Variants in STAMBPL1 observed in about 807,000 individuals in gnomAD.
STAMBPL1 encodes STAM binding protein like 1.
In STAMBPL1, 44 loss-of-function variants were observed where a neutral mutation model predicts 52.9. That is an observed-to-expected ratio of 0.83 (90% confidence interval 0.65 to 1.07). The LOEUF (loss-of-function observed/expected upper bound fraction) is 1.07. STAMBPL1 is among the 50% of genes least tolerant of loss of function. STAMBPL1 has a pLI of 0.00. For synonymous variants in STAMBPL1, 164 were observed against 177.3 expected (o/e 0.92, Z 0.60); for missense variants, 511 against 520.8 (o/e 0.98, Z 0.18).
intron 1 of STAMBPL1, among the ~76,000 whole-genome samples, chr10:88,888,037 A>G (rs1844582160): frequency 6.6e-6 from 1 of 152,196 alleles, no homozygotes. Flanking sequence ...TAAAGGTACG[A>G]TATATTGCCT....
At chr10:88,910,715 A>C (rs552523644) in intron 4 of STAMBPL1, among the ~76,000 whole-genome samples, 6 of 152,224 alleles carry the variant, frequency 3.9e-5, no homozygotes, top group Non-Finnish European at 8.8e-5. Context: ...AAGGTCTTAC[A>C]AAAGGGATAA....
intron 1 of STAMBPL1, chr10:88,882,016 C>A (rs1761988859): frequency 6.6e-6 from 1 of 152,198 alleles, no homozygotes; most frequent in Non-Finnish European, 1.5e-5. Flanking sequence ...TCTGTTCAGA[C>A]ACAGATACAG....
At chr10:88,921,818 C>T (rs917006958) in intron 9 of STAMBPL1, among the ~76,000 whole-genome samples, 2 of 152,134 alleles carry the variant, frequency 1.3e-5, no homozygotes, top group African/African-American at 4.8e-5. Flanking sequence ...CTCCACCCCT[C>T]AAGTGGTGTG....
intron 3 of STAMBPL1, 101 bp from the exon 4 acceptor site, chr10:88,908,601 A>T: frequency 1.1e-6 from 1 of 950,040 alleles, no homozygotes; most frequent in Non-Finnish European, 1.6e-6. Flanking sequence ...ATAAGTTATT[A>T]AACATGTCAT....
intron 1 of STAMBPL1, among the ~76,000 whole-genome samples, chr10:88,889,292 AT>A (rs1421667576): frequency 6.6e-6 from 1 of 152,212 alleles, no homozygotes; most frequent in African/African-American, 2.4e-5. Context: ...AATGCATATT[AT>A]TTTAAAAACT....
intron 10 of STAMBPL1, 73 bp from the exon 11 acceptor site, chr10:88,923,095 C>T: frequency 2.9e-6 from 3 of 1,046,158 alleles, no homozygotes; most frequent in South Asian, 1.5e-5. Context: ...TATACTTCCT[C>T]CCTAAAGAAA....
chr10:88,907,747 T>C (rs910739417), intron 3 of STAMBPL1, among the ~76,000 whole-genome samples: 2 of 152,250 alleles, frequency 1.3e-5, no homozygotes, highest in Non-Finnish European at 2.9e-5. Flanking sequence ...TTATAAAGGC[T>C]TAGATAGCTA....
At chr10:88,895,840 A>G (rs1294305860) in intron 1 of STAMBPL1, among the ~76,000 whole-genome samples, 1 of 152,250 alleles carries the variant, frequency 6.6e-6, no homozygotes, top group East Asian at 1.9e-4. Context: ...GTATTACACT[A>G]TGCAAAATAA....
At chr10:88,905,726 G>T in intron 3 of STAMBPL1, 66 bp downstream of exon 3, 1 of 1,267,536 alleles carries the variant, frequency 7.9e-7, no homozygotes, top group East Asian at 2.5e-5. Flanking sequence ...ATTTTGATGT[G>T]GCAGTTTGGG....
rs144819228 is a variant in STAMBPL1, at chr10:88,918,281, GCACA to G, written c.1041+1485_1041+1488del. On this transcript the variant is annotated intron_variant, in intron 8 of 10. Transcript: ENST00000371926. ...GAGAAGCACTGGGGAGGAGCAGCAT[GCACA>G]CACACACACACACACACACATACAC... is the stretch of plus-strand genomic sequence containing the variant. Among the ~76,000 whole-genome samples the G allele has an allele frequency of 2.5e-4, 37 of 147,220 alleles. 1 individual carries two copies. The highest frequency in any genetic ancestry group is 7.0e-3 in the Middle Eastern group (2 of 284).
At chr10:88,906,077 T>A (rs1453339574) in intron 3 of STAMBPL1, among the ~76,000 whole-genome samples, 2 of 152,220 alleles carry the variant, frequency 1.3e-5, no homozygotes, top group Admixed American at 1.3e-4. Context: ...ATTTGGTGGG[T>A]TGAGTCTAGG....
At chr10:88,896,752 T>C (rs974102528) in intron 1 of STAMBPL1, among the ~76,000 whole-genome samples, 3 of 152,198 alleles carry the variant, frequency 2.0e-5, no homozygotes, top group Admixed American at 2.0e-4. Flanking sequence ...GTTCACTGCC[T>C]GGTAATCATC....
chr10:88,881,038 C>T (rs985925881), intron 1 of STAMBPL1, among the ~76,000 whole-genome samples: 19 of 151,894 alleles, frequency 1.3e-4, no homozygotes, highest in African/African-American at 4.1e-4. Context: ...ACTGCACTGT[C>T]TCTAGCGGCG....
intron 1 of STAMBPL1, among the ~76,000 whole-genome samples, chr10:88,883,357 T>C (rs55885377): frequency 0.07 from 10,673 of 152,098 alleles, 792 homozygotes; most frequent in East Asian, 0.19. Flanking sequence ...AAAACAAAAC[T>C]CTAAAACAAA....
intron 2 of STAMBPL1, among the ~76,000 whole-genome samples, chr10:88,905,000 A>C (rs1394333533): frequency 6.6e-6 from 1 of 152,132 alleles, no homozygotes; most frequent in African/African-American, 2.4e-5. Flanking sequence ...TTGAATCTTT[A>C]TAGTAACTTG....
chr10:88,905,392 T>G, intron 2 of STAMBPL1, 51 bp from the exon 3 acceptor site: 1 of 1,429,282 alleles, frequency 7.0e-7, no homozygotes, highest in South Asian at 1.1e-5. Flanking sequence ...AGTCATATCC[T>G]TTTCTTACTA....
intron 8 of STAMBPL1, among the ~76,000 whole-genome samples, chr10:88,918,302 C>A (rs1845421161): frequency 6.9e-6 from 1 of 145,286 alleles, no homozygotes; most frequent in Non-Finnish European, 1.5e-5. Flanking sequence ...CACACACACA[C>A]ACATACACAC....
intron 5 of STAMBPL1, 85 bp from the exon 6 acceptor site, chr10:88,913,016 C>T: frequency 4.3e-6 from 5 of 1,164,870 alleles, no homozygotes; most frequent in South Asian, 1.5e-5. Flanking sequence ...TTTTCTCTGT[C>T]TGCTTGAAGA....
At chr10:88,912,285 C>T (rs1845245515) in intron 5 of STAMBPL1, 1 of 152,216 alleles carries the variant, frequency 6.6e-6, no homozygotes, top group Admixed American at 6.5e-5. Flanking sequence ...GTCCCCCATG[C>T]TACCGCCATC....
Sources: allele counts gnomAD v4.1 joint callset (sites outside exome capture counted in the v4.1 genomes callset), GRCh38; gene constraint gnomAD v4.1.1; transcripts MANE v1.5; gene names NCBI Gene and HGNC (gene_info 2026-07-23, HGNC 2026-07-21).